EDC3: variants seen among roughly 807,000 people sequenced by gnomAD.
EDC3 encodes enhancer of mRNA-decapping protein 3.
A neutral mutation model predicts 41.8 loss-of-function variants in EDC3; 20 were observed. That is an observed-to-expected ratio of 0.48 (90% CI 0.34 to 0.70). EDC3 has a LOEUF of 0.70. EDC3 is among the 30% of genes least tolerant of loss of function. EDC3 has a pLI of 0.01. For missense variants in EDC3, 444 were observed against 636.8 expected (o/e 0.70, Z 3.26); for synonymous variants, 206 against 243.2 (o/e 0.85, Z 1.42).
At chr15:74,669,946 C>A (rs2091679772) in intron 3 of EDC3, among the ~76,000 whole-genome samples, 1 of 151,968 alleles carries the variant, frequency 6.6e-6, no homozygotes, top group African/African-American at 2.4e-5. Context: ...CTGGCTCAAG[C>A]CATCCTTCCA....
intron 1 of EDC3, among the ~76,000 whole-genome samples, chr15:74,680,912 TA>T (rs1300816610): frequency 2.7e-3 from 405 of 149,670 alleles, no homozygotes; most frequent in African/African-American, 9.2e-3. Flanking sequence ...GGTGTAAATC[TA>T]AAAAAAAAGG....
chr15:74,653,701 GT>G (rs2062509318), intron 4 of EDC3, among the ~76,000 whole-genome samples: 2 of 152,186 alleles, frequency 1.3e-5, no homozygotes, highest in South Asian at 4.1e-4. Flanking sequence ...GTGGTTTGTG[GT>G]ATGTTTATTG....
In EDC3 at chr15:74,655,746, C is replaced by T; in HGVS notation, c.807G>A (p.Lys269=). The part of the protein sequence containing the change: ...RRIIVPHNVS[K]EFCTDSGLVV... ...GATGCAACTCACCCGTGCAGAACTC[C>T]TTGCTCACGTTGTGGGGCACTATGA... Residue 269 remains lysine (K), a synonymous_variant, in exon 4 of 7, where the codon AAG becomes AAA. Transcript: ENST00000315127. The T allele has an allele frequency of 3.1e-6, 5 of 1,609,862 alleles. No individual in the cohort carries two copies. Among genetic ancestry groups the T allele is most frequent in the Non-Finnish European group, 4.2e-6 (5 of 1,176,540 alleles).
At chr15:74,648,487 TAG>T (rs2141599945) in intron 4 of EDC3, among the ~76,000 whole-genome samples, 1 of 152,070 alleles carries the variant, frequency 6.6e-6, no homozygotes, top group Admixed American at 6.5e-5. Context: ...GTGAGAAGAG[TAG>T]AGTCACAAAG....
intron 1 of EDC3, among the ~76,000 whole-genome samples, chr15:74,689,115 G>A (rs1160361576): frequency 1.3e-5 from 2 of 152,032 alleles, no homozygotes; most frequent in Admixed American, 1.3e-4. Flanking sequence ...TTTCTGCGAT[G>A]GACAAATACA....
At chr15:74,691,381 C>A (rs1266804355) in intron 1 of EDC3, among the ~76,000 whole-genome samples, 1 of 152,102 alleles carries the variant, frequency 6.6e-6, no homozygotes, top group Non-Finnish European at 1.5e-5. Flanking sequence ...ATGAGATAAT[C>A]CATATAGTGT....
At position 74,675,007 on chromosome 15, in the gene EDC3, G is replaced by C; in HGVS notation, c.118C>G (p.Pro40Ala). The change falls in exon 2 of 7, where the codon CCT becomes GCT. Residue 40 changes from proline to alanine, a missense_variant. Coordinates refer to ENST00000315127, the MANE Select transcript of EDC3 (RefSeq NM_025083.5). The part of the protein sequence containing the change: ...QVSQTISLTR[P>A]FHNGVKCLVP... ...AGACACTTCACTCCATTATGGAAAG[G>C]CCGGGTGAGAGAAATGGTCTGGCTG... 1 of 1,614,124 alleles carries C rather than the reference G, an allele frequency of 6.2e-7. No homozygotes were observed. Among genetic ancestry groups the C allele is most frequent in the Non-Finnish European group, 8.5e-7 (1 of 1,180,022 alleles).
chr15:74,689,235 C>G (rs2062973546), intron 1 of EDC3, among the ~76,000 whole-genome samples: 1 of 152,188 alleles, frequency 6.6e-6, no homozygotes, highest in South Asian at 2.1e-4. Context: ...TTACCATCTA[C>G]ATTTATACAA....
At chr15:74,686,828 A>C (rs1480605948) in intron 1 of EDC3, among the ~76,000 whole-genome samples, 2 of 151,352 alleles carry the variant, frequency 1.3e-5, no homozygotes, top group African/African-American at 4.9e-5. Flanking sequence ...CATATACAGC[A>C]CTCCTCCAGG....
intron 4 of EDC3, chr15:74,644,311 A>G (rs1326118986): frequency 6.6e-6 from 1 of 152,002 alleles, no homozygotes; most frequent in Non-Finnish European, 1.5e-5. Context: ...CTCCATCCCA[A>G]CACTTTATTC....
intron 1 of EDC3, among the ~76,000 whole-genome samples, chr15:74,688,011 C>T (rs1014156780): frequency 7.9e-5 from 12 of 152,138 alleles, no homozygotes; most frequent in African/African-American, 2.7e-4. Context: ...AATGTGGATA[C>T]TCGTTTATAA....
chr15:74,676,982 T>C (rs959718563), intron 1 of EDC3: 1 of 152,036 alleles, frequency 6.6e-6, no homozygotes, highest in Admixed American at 6.5e-5. Context: ...CAACACCAAA[T>C]GCTGACGAGG....
chr15:74,682,346 C>T (rs190041454), intron 1 of EDC3, among the ~76,000 whole-genome samples: 3 of 151,866 alleles, frequency 2.0e-5, no homozygotes, highest in Non-Finnish European at 2.9e-5. Context: ...AGGCTGGGCA[C>T]GGTGGCTCAC....
chr15:74,649,217 A>G (rs1296058853), intron 4 of EDC3, among the ~76,000 whole-genome samples: 1 of 151,178 alleles, frequency 6.6e-6, no homozygotes, highest in Non-Finnish European at 1.5e-5. Flanking sequence ...GGCACCTGCC[A>G]CCACGCCCGG....
chr15:74,665,798 C>CTTT (rs916623879), intron 3 of EDC3, among the ~76,000 whole-genome samples: 4 of 137,290 alleles, frequency 2.9e-5, no homozygotes, highest in South Asian at 2.3e-4. Context: ...TCTTTCTTTC[C>CTTT]TTTTTTTTTT....
chr15:74,667,213 A>G (rs1241375958), intron 3 of EDC3, among the ~76,000 whole-genome samples: 1 of 152,090 alleles, frequency 6.6e-6, no homozygotes, highest in Admixed American at 6.6e-5. Flanking sequence ...TAATGGATTA[A>G]AGTTGGAGAC....
At chr15:74,694,022 A>G (rs2063038483) in intron 1 of EDC3, among the ~76,000 whole-genome samples, 1 of 151,974 alleles carries the variant, frequency 6.6e-6, no homozygotes, top group Non-Finnish European at 1.5e-5. Context: ...ATGCCTTGCT[A>G]AAATTCTGAC....
Position 74,640,589 on chromosome 15 carries a change from T to A in EDC3, c.851A>T (p.Tyr284Phe). The A allele has an allele frequency of 6.2e-7, 1 of 1,614,108 alleles. No individual in the cohort carries two copies. The highest frequency in any genetic ancestry group is 8.5e-7 in the Non-Finnish European group (1 of 1,180,012). Residue 284 changes from tyrosine to phenylalanine, a missense_variant, in exon 5 of 7, where the codon TAT becomes TTT. By Grantham distance (22) the Tyr-to-Phe change is conservative (BLOSUM62 3). Coordinates refer to ENST00000315127, the MANE Select transcript of EDC3 (RefSeq NM_025083.5). Reference protein sequence around the residue: ...DSGLVVPSISYELHKKLLSVA... With the variant: ...DSGLVVPSISFELHKKLLSVA... ...GGACAACAGCTTTTTATGCAGCTCA[T>A]AGGAAATACTTGGGACAACCAGGCC...
At chr15:74,687,468 G>A in intron 1 of EDC3, among the ~76,000 whole-genome samples, 1 of 152,162 alleles carries the variant, frequency 6.6e-6, no homozygotes, top group Admixed American at 6.5e-5. Flanking sequence ...CTGCCTCCCA[G>A]GTTCAATCAG....
Sources: gnomAD v4.1 joint callset for allele counts (sites outside exome capture counted in the v4.1 genomes callset) on GRCh38, gnomAD v4.1.1 for gene constraint, MANE v1.5 for transcripts, NCBI Gene and HGNC (gene_info 2026-07-23, HGNC 2026-07-21) for gene names.